LATS2: variants seen among roughly 807,000 people sequenced by gnomAD.
LATS2 encodes the protein serine/threonine-protein kinase LATS2.
A neutral mutation model predicts 76.0 loss-of-function variants in LATS2; 24 were observed. That is an observed-to-expected ratio of 0.32 (90% CI 0.23 to 0.44). The LOEUF (loss-of-function observed/expected upper bound fraction) is 0.44. Among genes scored for constraint, LATS2 ranks in the 20% least tolerant of loss-of-function variants. The pLI is 1.00. For missense variants in LATS2, 1,286 were observed against 1,481.2 expected (o/e 0.87, Z 2.16); for synonymous variants, 692 against 635.4 (o/e 1.09, Z -1.34).
intron 2 of LATS2, among the ~76,000 whole-genome samples, chr13:21,019,334 ATTATTATTT>A (rs1871943043): frequency 1.6e-5 from 2 of 125,402 alleles, no homozygotes; most frequent in Non-Finnish European, 3.6e-5. Context: ...TATTATTATT[ATTATTATTT>A]GAGACAGAGT....
intron 2 of LATS2, among the ~76,000 whole-genome samples, chr13:21,022,207 A>T (rs918030250): frequency 6.6e-6 from 1 of 151,742 alleles, no homozygotes; most frequent in East Asian, 1.9e-4. Context: ...CAACTACGTA[A>T]GTGTGTGAAT....
At position 20,983,762 on chromosome 13, in the gene LATS2, G is replaced by A. The variant is rs777991905; in HGVS notation, c.1944C>T (p.Leu648=). ...TGTTGTAATTAGACTCTTTCTGGTA[G>A]AGGATCTTCCGCATCTGCTCCTGCT... ...EAEQEQMRKI[L]YQKESNYNRL... Residue 648 remains leucine (L), a synonymous_variant, in exon 5 of 8, where the codon CTC becomes CTT. Coordinates refer to ENST00000382592, the MANE Select transcript of LATS2 (RefSeq NM_014572.3). The A allele has an allele frequency of 1.2e-6, 2 of 1,613,874 alleles. No individual in the cohort carries two copies. The highest frequency in any genetic ancestry group is 3.3e-5 in the Admixed American group (2 of 60,004).
intron 1 of LATS2, among the ~76,000 whole-genome samples, chr13:21,058,096 AAGTC>A (rs1672795652): frequency 6.6e-6 from 1 of 152,234 alleles, no homozygotes; most frequent in South Asian, 2.1e-4. Context: ...TTAGAGCTAG[AAGTC>A]AGTCACTTCA....
intron 4 of LATS2, among the ~76,000 whole-genome samples, chr13:20,986,846 CATGT>C (rs1241675680): frequency 6.6e-6 from 1 of 151,918 alleles, no homozygotes; most frequent in Non-Finnish European, 1.5e-5. Flanking sequence ...ATATCCTATG[CATGT>C]AACAAAATAT....
chr13:21,004,501 A>G (rs933658276), intron 2 of LATS2, among the ~76,000 whole-genome samples: 10 of 151,818 alleles, frequency 6.6e-5, no homozygotes, highest in Non-Finnish European at 1.5e-4. Context: ...CATCCTGTTC[A>G]GTCCTAGTGT....
intron 2 of LATS2, among the ~76,000 whole-genome samples, chr13:21,032,550 G>A (rs1872565731): frequency 6.6e-6 from 1 of 152,200 alleles, no homozygotes; most frequent in African/African-American, 2.4e-5. Context: ...ATAGGGGTGA[G>A]CCACTGCACC....
intron 2 of LATS2, among the ~76,000 whole-genome samples, chr13:21,005,900 G>A (rs1036874094): frequency 6.6e-5 from 10 of 151,912 alleles, no homozygotes; most frequent in African/African-American, 2.4e-4. Flanking sequence ...GATCACCTGA[G>A]GTCAGGAGTT....
intron 2 of LATS2, among the ~76,000 whole-genome samples, chr13:21,038,925 A>G (rs1401467241): frequency 1.3e-5 from 2 of 152,226 alleles, no homozygotes; most frequent in South Asian, 4.1e-4. Context: ...GGTTGTAATG[A>G]GCTGAGATCA....
At chr13:20,977,816 A>G (rs118087841) in intron 7 of LATS2, among the ~76,000 whole-genome samples, 4,393 of 152,060 alleles carry the variant, frequency 0.029, 80 homozygotes, top group East Asian at 0.057. Context: ...TGGGCAATTT[A>G]GTGAGTAGCT....
At chr13:20,984,380 G>A (rs1870049127) in intron 4 of LATS2, among the ~76,000 whole-genome samples, 1 of 152,316 alleles carries the variant, frequency 6.6e-6, no homozygotes, top group South Asian at 2.1e-4. Flanking sequence ...GGGGACCACA[G>A]CATTCCTAGA....
chr13:20,988,827 T>G lies in LATS2; in HGVS notation c.953A>C (p.His318Pro). ...GTGGGCCGCGGGACCGGCCTGCTTG[T>G]GGTGTGGGTGCGGCACGTAGAGCCC... Reference protein sequence around the residue: ...AAGLYVPHPHHKQAGPAAHQL... With the variant: ...AAGLYVPHPHPKQAGPAAHQL... The change falls in exon 4 of 8, where the codon CAC becomes CCC. Residue 318 changes from histidine to proline, a missense_variant. This residue lies in a region of LATS2 where 710 missense variants were observed against 660.9 expected (regional missense o/e 1.07). Transcript: ENST00000382592. 6.3e-7 allele frequency: 1 copy of G among 1,596,788 alleles called. No individual in the cohort carries two copies. Among genetic ancestry groups the G allele is most frequent in the Non-Finnish European group, 8.5e-7 (1 of 1,177,488 alleles).
chr13:21,028,754 G>C (rs1303143994), intron 2 of LATS2, among the ~76,000 whole-genome samples: 2 of 152,084 alleles, frequency 1.3e-5, no homozygotes, highest in African/African-American at 4.8e-5. Flanking sequence ...TATTTTAGTA[G>C]AGACGGGATT....
chr13:21,049,853 G>A (rs1425990308), intron 1 of LATS2, among the ~76,000 whole-genome samples: 1 of 152,148 alleles, frequency 6.6e-6, no homozygotes, highest in Non-Finnish European at 1.5e-5. Flanking sequence ...GGGCACTGTG[G>A]CTCATGCCTA....
At chr13:21,001,269 G>C (rs542785377) in intron 2 of LATS2, among the ~76,000 whole-genome samples, 1 of 152,278 alleles carries the variant, frequency 6.6e-6, no homozygotes, top group African/African-American at 2.4e-5. Context: ...TTCCCTATTA[G>C]TACACACACA....
Position 21,020,857 on chromosome 13 carries a change from ACTACGT to A in LATS2, c.342+24822_342+24827del, listed in dbSNP as rs1291910163. ...TCATGTGGCACAGATGAGCACACCT[ACTACGT>A]CACAATGCAGTGTAGCCACGCCAGA... is the stretch of plus-strand genomic sequence containing the variant. On this transcript the variant is annotated intron_variant, in intron 2 of 7. Transcript: ENST00000382592. Among the ~76,000 whole-genome samples, 13 of 152,322 alleles carry A rather than the reference ACTACGT, an allele frequency of 8.5e-5. No homozygotes were observed. In the East Asian group the frequency reaches 1.2e-3, roughly 14 times the overall value.
chr13:20,978,416 C>T (rs1015414356), intron 7 of LATS2, among the ~76,000 whole-genome samples: 1 of 152,144 alleles, frequency 6.6e-6, no homozygotes, highest in African/African-American at 2.4e-5. Context: ...AAGCAAATGG[C>T]TGTCATTTTA....
At chr13:20,987,034 A>T (rs1870178273) in intron 4 of LATS2, among the ~76,000 whole-genome samples, 1 of 152,158 alleles carries the variant, frequency 6.6e-6, no homozygotes, top group Non-Finnish European at 1.5e-5. Flanking sequence ...TCTCTACTAA[A>T]AACACAAAAA....
intron 2 of LATS2, among the ~76,000 whole-genome samples, chr13:21,037,231 C>T (rs1872712100): frequency 6.6e-6 from 1 of 152,054 alleles, no homozygotes; most frequent in African/African-American, 2.4e-5. Context: ...ATGGTGAAAC[C>T]CCATCTCTAC....
At chr13:21,046,745 T>C (rs1466183091) in intron 1 of LATS2, among the ~76,000 whole-genome samples, 1 of 152,116 alleles carries the variant, frequency 6.6e-6, no homozygotes. Context: ...CTCCCAATTT[T>C]CCTAAAAGAC....
Sources: gnomAD v4.1 joint callset for allele counts (sites outside exome capture counted in the v4.1 genomes callset) on GRCh38, gnomAD v4.1.1 for gene constraint, gnomAD v4.1.1 regional missense constraint, MANE v1.5 for transcripts, NCBI Gene and HGNC (gene_info 2026-07-23, HGNC 2026-07-21) for gene names.